Variants in MBTD1 observed in about 807,000 individuals in gnomAD.
MBTD1 encodes the protein mbt domain containing 1.
MBTD1 carries 24 observed loss-of-function variants against 87.8 expected under a neutral mutation model. The observed-to-expected ratio is 0.27, with a 90% CI of 0.20 to 0.38. The LOEUF is 0.38. Ranked by LOEUF, MBTD1 falls within the 10% of genes least tolerant of loss-of-function variation. The pLI is 1.00. For missense variants in MBTD1, 436 were observed against 760.2 expected (o/e 0.57, Z 5.02); for synonymous variants, 237 against 248.6 (o/e 0.95, Z 0.44).
chr17:51,199,318 C>A (rs773769709), intron 12 of MBTD1, among the ~76,000 whole-genome samples: 15 of 151,966 alleles, frequency 9.9e-5, no homozygotes, highest in Non-Finnish European at 1.8e-4. Flanking sequence ...GAACTCCTGA[C>A]CTCATGATCT....
chr17:51,250,788 C>T (rs992412023), intron 2 of MBTD1: 2 of 152,152 alleles, frequency 1.3e-5, no homozygotes, highest in Non-Finnish European at 2.9e-5. Flanking sequence ...ATTTTCTCTT[C>T]TTGAAGGACA....
chr17:51,204,990 T>C (rs1451245626), intron 7 of MBTD1, among the ~76,000 whole-genome samples: 5 of 152,302 alleles, frequency 3.3e-5, no homozygotes, highest in African/African-American at 4.8e-5. Flanking sequence ...TTAAAAACTA[T>C]GTCTTAGGCA....
chr17:51,200,581 A>AG (rs2051408038), intron 12 of MBTD1, among the ~76,000 whole-genome samples: 2 of 144,366 alleles, frequency 1.4e-5, no homozygotes, highest in African/African-American at 2.6e-5. Flanking sequence ...AAAAAAAAAA[A>AG]TGCCACGTAC....
At chr17:51,236,922 TA>T (rs1337266933) in intron 2 of MBTD1, among the ~76,000 whole-genome samples, 2 of 152,110 alleles carry the variant, frequency 1.3e-5, no homozygotes, top group African/African-American at 4.8e-5. Context: ...AAGAGTTCTA[TA>T]AAACTTCTGG....
Position 51,225,197 on chromosome 17 carries a change from A to C in MBTD1, c.-36T>G, listed in dbSNP as rs1340408738. Reference sequence around the variant, plus strand: ...TCTCTTCTTTTCCTTTCAGATCGTGAAGAATGTTCAGTCTTTGAAGTAAGA... The same window carrying C: ...TCTCTTCTTTTCCTTTCAGATCGTGCAGAATGTTCAGTCTTTGAAGTAAGA... On this transcript the variant is annotated 5_prime_UTR_variant, in exon 3 of 17. Transcript: ENST00000586178. 6.6e-7 allele frequency: 1 copy of C among 1,513,966 alleles called. No homozygotes were observed. Among genetic ancestry groups the C allele is most frequent in the Non-Finnish European group, 8.9e-7 (1 of 1,127,526 alleles). The allele number at this position is 1,513,966 out of a possible 1,614,324, so 93.8% of individuals were successfully genotyped here.
intron 3 of MBTD1, among the ~76,000 whole-genome samples, chr17:51,221,663 A>G (rs1478349563): frequency 1.3e-5 from 2 of 152,210 alleles, no homozygotes; most frequent in Non-Finnish European, 2.9e-5. Context: ...GTCTGTACTG[A>G]CCATACACAG....
At chr17:51,227,891 G>A (rs1435916918) in intron 2 of MBTD1, among the ~76,000 whole-genome samples, 4 of 151,184 alleles carry the variant, frequency 2.6e-5, no homozygotes. Context: ...GGCAGAGGTT[G>A]CAGTCAGCCA....
At chr17:51,189,584 G>A (rs1012913452) in intron 16 of MBTD1, among the ~76,000 whole-genome samples, 3 of 152,256 alleles carry the variant, frequency 2.0e-5, no homozygotes, top group South Asian at 4.1e-4. Context: ...CAAGAGTCAC[G>A]CTGAGGGAGG....
At chr17:51,260,932 G>C (rs1011203989), upstream of MBTD1, 2 of 1,541,742 alleles carry the variant, frequency 1.3e-6, no homozygotes, top group Non-Finnish European at 1.7e-6. Flanking sequence ...CGAGGGTGAG[G>C]GAGGCCGCGG....
chr17:51,225,317 C>T (rs2053147240), intron 2 of MBTD1, 108 bp from the exon 3 acceptor site: 1 of 501,862 alleles, frequency 2.0e-6, no homozygotes, highest in South Asian at 5.0e-5. Flanking sequence ...GAAAACGCAG[C>T]CCTGAGAAAT....
chr17:51,204,612 C>T (rs1394421848), intron 7 of MBTD1, among the ~76,000 whole-genome samples: 1 of 148,754 alleles, frequency 6.7e-6, no homozygotes, highest in Non-Finnish European at 1.5e-5. Flanking sequence ...AAGTGATTCA[C>T]CTGCCTCAGC....
intron 16 of MBTD1, chr17:51,184,790 CA>C (rs960772303): frequency 7.2e-5 from 11 of 152,226 alleles, no homozygotes; most frequent in African/African-American, 2.6e-4. Context: ...TTAAGTAATG[CA>C]AGACTATTTC....
intron 16 of MBTD1, among the ~76,000 whole-genome samples, chr17:51,186,947 G>A (rs2050565450): frequency 6.6e-6 from 1 of 152,014 alleles, no homozygotes. Flanking sequence ...AAACACTGGT[G>A]GAGAAATCAA....
At chr17:51,192,504 G>A in intron 15 of MBTD1, 2 of 638,820 alleles carry the variant, frequency 3.1e-6, no homozygotes, top group South Asian at 4.3e-5. Flanking sequence ...TAAACTTTTA[G>A]TATGTAATTT....
chr17:51,231,656 C>T (rs2053557263), intron 2 of MBTD1, among the ~76,000 whole-genome samples: 2 of 152,100 alleles, frequency 1.3e-5, no homozygotes, highest in Admixed American at 6.5e-5. Flanking sequence ...ATCATCTGCA[C>T]AACACAAGGG....
At chr17:51,252,425 C>G (rs1191593647) in intron 2 of MBTD1, among the ~76,000 whole-genome samples, 1 of 152,070 alleles carries the variant, frequency 6.6e-6, no homozygotes, top group African/African-American at 2.4e-5. Flanking sequence ...GAACATTTTG[C>G]TCTTCAAAAT....
intron 16 of MBTD1, among the ~76,000 whole-genome samples, chr17:51,190,600 T>C (rs1485726298): frequency 2.0e-5 from 3 of 150,112 alleles, no homozygotes; most frequent in Non-Finnish European, 3.0e-5. Flanking sequence ...TATACTCCTG[T>C]AGTCCCAGCT....
chr17:51,190,750 A>AAAAAAATTATATATAT (rs1555677185), intron 16 of MBTD1, among the ~76,000 whole-genome samples: 2 of 39,714 alleles, frequency 5.0e-5, no homozygotes, highest in Admixed American at 8.1e-4. Context: ...AAAAAAAAAA[A>AAAAAAATTATATATAT]ATATATATAT....
At chr17:51,249,285 G>T (rs1598434274) in intron 2 of MBTD1, among the ~76,000 whole-genome samples, 1 of 151,876 alleles carries the variant, frequency 6.6e-6, no homozygotes, top group African/African-American at 2.4e-5. Context: ...GATTATTAGG[G>T]ATATACTTGA....
Sources: allele counts gnomAD v4.1 joint callset (sites outside exome capture counted in the v4.1 genomes callset), GRCh38; gene constraint gnomAD v4.1.1; transcripts MANE v1.5; gene names NCBI Gene and HGNC (gene_info 2026-07-23, HGNC 2026-07-21).